The following CFAP46 variants were observed in gnomAD, a reference collection of about 807,000 sequenced individuals.
CFAP46 encodes the protein cilia- and flagella-associated protein 46.
Under a neutral mutation model 325.7 loss-of-function variants are expected in CFAP46, and 245 were observed. The observed-to-expected ratio is 0.75, with a 90% confidence interval of 0.68 to 0.84. The LOEUF is 0.84. CFAP46 is among the 40% of genes least tolerant of loss of function. CFAP46 has a pLI of 0.00. For missense variants in CFAP46, 3,346 were observed against 3,543.0 expected (o/e 0.94, Z 1.41); for synonymous variants, 1,523 against 1,495.9 (o/e 1.02, Z -0.42).
chr10:132,814,062 C>G, intron 54 of CFAP46, 90 bp downstream of exon 54: 1 of 975,080 alleles, frequency 1.0e-6, no homozygotes, highest in Non-Finnish European at 1.6e-6. Flanking sequence ...CAGGGCAGAC[C>G]CAGGGAGCCG....
chr10:132,832,880 G>A lies in CFAP46; in HGVS notation c.7117+478C>T, dbSNP rs2134991764. On this transcript the variant is annotated intron_variant, in intron 50 of 57. Transcript: ENST00000368586. This position sits in a 1 kb window ranked among gnomAD's most constrained non-coding sequence, Gnocchi z 4.1. ...TTGAAACAGGTATTTGTGGGGGCAAGAACAGCGTTAAGTTTGTCTTCCCTG... is the reference window on the plus strand; with the variant it reads ...TTGAAACAGGTATTTGTGGGGGCAAAAACAGCGTTAAGTTTGTCTTCCCTG... The A allele has an allele frequency of 4.3e-6, 2 of 463,272 alleles. No individual in the cohort carries two copies. The highest frequency in any genetic ancestry group is 3.1e-5 in the South Asian group (2 of 64,418). The allele number at this position is 463,272 out of a possible 1,614,324, so 28.7% of individuals were successfully genotyped here.
At chr10:132,849,823 T>A (rs1848504777) in intron 41 of CFAP46, among the ~76,000 whole-genome samples, 1 of 152,156 alleles carries the variant, frequency 6.6e-6, no homozygotes, top group African/African-American at 2.4e-5. Context: ...CGGCGCCCGG[T>A]GCTCAGGCCC....
chr10:132,924,484 C>G (rs1366443400), intron 11 of CFAP46, among the ~76,000 whole-genome samples: 2 of 152,250 alleles, frequency 1.3e-5, no homozygotes, highest in African/African-American at 2.4e-5. Flanking sequence ...CAAGGCCGAG[C>G]CTGCTTCTTC....
At chr10:132,918,648 G>A (rs1429239586) in intron 15 of CFAP46, 128 bp from the exon 16 acceptor site, 20 of 1,241,820 alleles carry the variant, frequency 1.6e-5, no homozygotes, top group African/African-American at 3.0e-5. Flanking sequence ...GCCAAGGTGG[G>A]CGGGTAGGCG....
intron 17 of CFAP46, among the ~76,000 whole-genome samples, chr10:132,913,611 G>A (rs578044785): frequency 5.9e-5 from 9 of 152,286 alleles, no homozygotes; most frequent in African/African-American, 1.7e-4. Flanking sequence ...CAGCCAGTCC[G>A]TGGAAAAACT....
chr10:132,940,776 G>A (rs1005962141), intron 4 of CFAP46, among the ~76,000 whole-genome samples: 4 of 152,130 alleles, frequency 2.6e-5, no homozygotes, highest in Non-Finnish European at 4.4e-5. Flanking sequence ...CTAAAATCAC[G>A]AAAACCGCCG....
chr10:132,937,168 C>T (rs908038232), intron 6 of CFAP46, 113 bp from the exon 7 acceptor site: 30 of 589,456 alleles, frequency 5.1e-5, no homozygotes, highest in Non-Finnish European at 7.8e-5. Flanking sequence ...TTTTCAGATA[C>T]AACTTAAGCT....
Position 132,919,985 on chromosome 10 carries a change from A to G in CFAP46, c.1730+74T>C. ...CACATGCAGGGTCAGCTCAGCCGCC[A>G]CAGACACTGGCCCTCGGGCTGAGCG... On this transcript the variant is annotated intron_variant, in intron 14 of 57. Transcript: ENST00000368586. This position sits in a 1 kb window ranked among gnomAD's most constrained non-coding sequence, Gnocchi z 9.7. 2 of 1,426,756 alleles carry G rather than the reference A, an allele frequency of 1.4e-6. No homozygotes were observed. Among genetic ancestry groups the G allele is most frequent in the South Asian group, 1.5e-5 (1 of 66,316 alleles). 88.4% of individuals were successfully genotyped at this position (1,426,756 alleles called of 1,614,324 possible).
In CFAP46 at chr10:132,859,155, A is replaced by G; in HGVS notation, c.5291T>C (p.Leu1764Pro). The G allele has an allele frequency of 6.4e-7, 1 of 1,550,890 alleles. No individual in the cohort carries two copies. The highest frequency in any genetic ancestry group is 8.7e-7 in the Non-Finnish European group (1 of 1,147,056). Residue 1764 changes from leucine (L) to proline (P), a missense_variant, in exon 38 of 58, where the codon CTG becomes CCG. Transcript: ENST00000368586. ...SLLLKEMDDGLLEIERKFIDC... is the reference protein window; with the variant it reads ...SLLLKEMDDGPLEIERKFIDC... The stretch of plus-strand genomic sequence containing the variant: ...GATAAACTTTCTCTCAATTTCCAAC[A>G]GGCCATCATCCATCTCTTTCAGTAG...
In CFAP46 at chr10:132,850,341, C is replaced by A; in HGVS notation, c.5855G>T (p.Arg1952Leu). 2 of 1,556,570 alleles carry A rather than the reference C, an allele frequency of 1.3e-6. No individual in the cohort carries two copies. Among genetic ancestry groups the A allele is most frequent in the Non-Finnish European group, 1.7e-6 (2 of 1,150,162 alleles). ...CCCGGCCAGGCCCAGGAGCCGGGCG[C>A]GGATCTCCACACAGCCCACGCTCAG... The part of the protein sequence containing the change: ...QPLSVGCVEI[R>L]ARLLGLAGRA... The change falls in exon 41 of 58, where the codon CGC (arginine) becomes CTC (leucine). Residue 1952 changes from arginine to leucine, a missense_variant. Transcript: ENST00000368586.
chr10:132,927,874 G>T (rs888582778), intron 9 of CFAP46, among the ~76,000 whole-genome samples: 1 of 152,246 alleles, frequency 6.6e-6, no homozygotes, highest in Admixed American at 6.5e-5. Context: ...ACAGTAGGCT[G>T]GCGGGGATAA....
chr10:132,823,134 CTCTGTGT>C (rs1847922459), intron 50 of CFAP46, among the ~76,000 whole-genome samples: 1 of 112,952 alleles, frequency 8.9e-6, no homozygotes, highest in Non-Finnish European at 1.7e-5. Flanking sequence ...CTGATGTGTG[CTCTGTGT>C]GCTGATGTGT....
chr10:132,925,631 C>T (rs564939249), intron 10 of CFAP46, among the ~76,000 whole-genome samples: 2 of 152,270 alleles, frequency 1.3e-5, no homozygotes, highest in Admixed American at 6.5e-5. Flanking sequence ...ACTCATTAAG[C>T]GCCTACCACG....
At chr10:132,838,997 G>A (rs115833960) in intron 44 of CFAP46, among the ~76,000 whole-genome samples, 2,143 of 152,274 alleles carry the variant, frequency 0.014, 40 homozygotes, top group African/African-American at 0.048. Context: ...TAAAATTATT[G>A]GCCACACGAA....
intron 19 of CFAP46, among the ~76,000 whole-genome samples, chr10:132,910,846 C>T (rs35694315): frequency 2.7e-4 from 41 of 152,258 alleles, no homozygotes; most frequent in African/African-American, 7.7e-4. Context: ...ACACAGCCAT[C>T]CCATCGGAAT....
chr10:132,860,377 G>T, intron 37 of CFAP46, 40 bp downstream of exon 37: 3 of 1,469,932 alleles, frequency 2.0e-6, no homozygotes, highest in Non-Finnish European at 2.8e-6. Flanking sequence ...GGAAACCACA[G>T]CTTTCACGCT....
Position 132,822,251 on chromosome 10 carries a change from CTGATGTGTGCTGTG to C in CFAP46, c.7118-7351_7118-7338del, listed in dbSNP as rs1329056229. Among the ~76,000 whole-genome samples, 15 of 110,180 alleles carry C rather than the reference CTGATGTGTGCTGTG, an allele frequency of 1.4e-4. No individual in the cohort carries two copies. The South Asian group carries it at 1.4e-3, about 10-fold the overall frequency. 72.3% of individuals were successfully genotyped at this position (110,180 alleles called of 152,430 possible). ...TGCGGTGATGTGTGCTGTGTGTGCGCTGATGTGTGCTGTGTGTGTGCTGTGTGAGTGCTGGTGTG... is the reference window on the plus strand; with the variant it reads ...TGCGGTGATGTGTGCTGTGTGTGCGCTGTGTGCTGTGTGAGTGCTGGTGTG... On this transcript the variant is annotated intron_variant, in intron 50 of 57. Transcript: ENST00000368586.
At chr10:132,851,918 T>TAGGAATTCTCAGATC (rs1848556144) in intron 39 of CFAP46, among the ~76,000 whole-genome samples, 1 of 136,846 alleles carries the variant, frequency 7.3e-6, no homozygotes, top group African/African-American at 3.2e-5. Context: ...TCCATTTACT[T>TAGGAATTCTCAGATC]AGGAATTCTC....
At position 132,846,283 on chromosome 10, in the gene CFAP46, T is replaced by C. The variant is rs1848435440; in HGVS notation, c.6268-56A>G. ...GCCCGAGGCCTGGGCGGGGAGGCCT[T>C]GCACCCTGCGGAGGGTGCGCAGCAG... On this transcript the variant is annotated intron_variant, in intron 43 of 57. Coordinates refer to ENST00000368586, the MANE Select transcript of CFAP46 (RefSeq NM_001200049.3). 6 of 1,572,286 alleles carry C rather than the reference T, an allele frequency of 3.8e-6. No individual in the cohort carries two copies. In the East Asian group the frequency reaches 1.4e-4, roughly 36 times the overall value.
Sources: allele counts gnomAD v4.1 joint callset (sites outside exome capture counted in the v4.1 genomes callset), GRCh38; gene constraint gnomAD v4.1.1; non-coding constraint Gnocchi (gnomAD v3.1); transcripts MANE v1.5; gene names NCBI Gene and HGNC (gene_info 2026-07-23, HGNC 2026-07-21).